The following TOX variants were observed in gnomAD, a reference collection of about 807,000 sequenced individuals.
The protein encoded by TOX is thymocyte selection-associated high mobility group box protein TOX.
In TOX, 11 loss-of-function variants were observed where a neutral mutation model predicts 53.7. The observed-to-expected ratio is 0.20, with a 90% CI of 0.13 to 0.34. TOX has a LOEUF of 0.34. TOX is among the 10% of genes least tolerant of loss of function. The probability of loss-of-function intolerance (pLI) is 1.00; values close to 1 mark genes in which losing one functional copy is unlikely to be tolerated. For synonymous variants in TOX, 225 were observed against 245.3 expected (o/e 0.92, Z 0.77); for missense variants, 570 against 664.6 (o/e 0.86, Z 1.56).
At chr8:59,115,859 A>C (rs188448447) in intron 1 of TOX, among the ~76,000 whole-genome samples, 1 of 152,306 alleles carries the variant, frequency 6.6e-6, no homozygotes, top group East Asian at 1.9e-4. Context: ...TGATATGTTC[A>C]TAACGTGTAT....
At chr8:58,965,906 T>TG (rs1454076433) in intron 1 of TOX, among the ~76,000 whole-genome samples, 1 of 131,100 alleles carries the variant, frequency 7.6e-6, no homozygotes, top group Non-Finnish European at 1.7e-5. Flanking sequence ...TTTTTTTTTT[T>TG]TTTTTTTTTT....
chr8:58,923,148 T>C (rs955518301), intron 3 of TOX, among the ~76,000 whole-genome samples: 1 of 152,102 alleles, frequency 6.6e-6, no homozygotes, highest in Non-Finnish European at 1.5e-5. Context: ...GTGGTCAATC[T>C]AATTAATATA....
At chr8:58,818,112 T>G (rs1453891099) in intron 6 of TOX, among the ~76,000 whole-genome samples, 7 of 152,194 alleles carry the variant, frequency 4.6e-5, no homozygotes, top group Non-Finnish European at 7.4e-5. Context: ...ATTACCAACC[T>G]TGTAAAGCTC....
chr8:59,084,042 T>G (rs1028715908), intron 1 of TOX, among the ~76,000 whole-genome samples: 1 of 152,200 alleles, frequency 6.6e-6, no homozygotes, highest in East Asian at 1.9e-4. Flanking sequence ...AATGCTCAGG[T>G]TATAAAGAAA....
chr8:59,044,905 CAT>C (rs1197713955), intron 1 of TOX, among the ~76,000 whole-genome samples: 12 of 152,346 alleles, frequency 7.9e-5, no homozygotes, highest in East Asian at 5.8e-4. Flanking sequence ...CGGCTACACA[CAT>C]GTTTTACTGC....
At position 58,939,438 on chromosome 8, in the gene TOX, C is replaced by A. The variant is rs762349194; in HGVS notation, c.275G>T (p.Gly92Val). The A allele has an allele frequency of 6.2e-7, 1 of 1,614,100 alleles. No homozygotes were observed. The highest frequency in any genetic ancestry group is 1.7e-5 in the Admixed American group (1 of 60,016). The change falls in exon 3 of 9, where the codon GGT (glycine) becomes GTT (valine). Residue 92 changes from glycine to valine, a missense_variant. Gly to Val is a moderately radical substitution (Grantham distance 109). Transcript: ENST00000361421. Reference sequence around the variant, plus strand: ...CATGGGGTGACACAGAGAATGGTAACCAGACTCAACTTCATTCAGGTGCAC... The same window carrying A: ...CATGGGGTGACACAGAGAATGGTAAACAGACTCAACTTCATTCAGGTGCAC... ...SLVHLNEVES[G>V]YHSLCHPMNH... is the part of the protein sequence containing the mutation.
chr8:59,029,238 C>T (rs747890013), intron 1 of TOX, among the ~76,000 whole-genome samples: 19 of 151,378 alleles, frequency 1.3e-4, no homozygotes, highest in Non-Finnish European at 2.7e-4. Context: ...CCCCCCATCC[C>T]CATGACTTCC....
At chr8:58,963,170 G>A (rs945781329) in intron 1 of TOX, among the ~76,000 whole-genome samples, 24 of 152,058 alleles carry the variant, frequency 1.6e-4, no homozygotes, top group Admixed American at 7.9e-4. Flanking sequence ...GCCAGCTTTC[G>A]GTCTGGAACT....
intron 1 of TOX, among the ~76,000 whole-genome samples, chr8:59,092,302 T>TTA (rs1491303174): frequency 3.1e-4 from 32 of 104,600 alleles, no homozygotes; most frequent in African/African-American, 2.6e-3. Context: ...ATTATATATA[T>TTA]TATATATTAT....
At chr8:59,019,831 T>C (rs972452559) in intron 1 of TOX, among the ~76,000 whole-genome samples, 2 of 152,220 alleles carry the variant, frequency 1.3e-5, no homozygotes, top group African/African-American at 4.8e-5. Flanking sequence ...GAGCAGTGTA[T>C]TTCATATATT....
chr8:58,826,532 T>C (rs774031911), intron 6 of TOX, among the ~76,000 whole-genome samples: 4 of 152,128 alleles, frequency 2.6e-5, no homozygotes, highest in Non-Finnish European at 2.9e-5. Context: ...GAAAGGGATA[T>C]GGAGAAGTAG....
intron 1 of TOX, among the ~76,000 whole-genome samples, chr8:59,111,970 A>G (rs1449182205): frequency 6.6e-6 from 1 of 152,224 alleles, no homozygotes; most frequent in Non-Finnish European, 1.5e-5. Flanking sequence ...GACCTTTGAT[A>G]TTATAAATAT....
chr8:59,077,861 T>C (rs1382954435), intron 1 of TOX, among the ~76,000 whole-genome samples: 1 of 152,194 alleles, frequency 6.6e-6, no homozygotes, highest in East Asian at 1.9e-4. Flanking sequence ...CAACTCTATA[T>C]ATGGAACAAT....
At chr8:59,025,307 A>G (rs1260956590) in intron 1 of TOX, among the ~76,000 whole-genome samples, 1 of 152,138 alleles carries the variant, frequency 6.6e-6, no homozygotes, top group African/African-American at 2.4e-5. Context: ...AAAGAAAGAA[A>G]TGGTAAGTTC....
chr8:58,885,751 T>C (rs1394060337), intron 3 of TOX, among the ~76,000 whole-genome samples: 1 of 152,166 alleles, frequency 6.6e-6, no homozygotes, highest in Non-Finnish European at 1.5e-5. Context: ...TTTGCTGTGT[T>C]GATTTTCAGA....
At chr8:58,997,346 C>T (rs552052544) in intron 1 of TOX, among the ~76,000 whole-genome samples, 1 of 152,290 alleles carries the variant, frequency 6.6e-6, no homozygotes, top group South Asian at 2.1e-4. Flanking sequence ...AAGACTTAGG[C>T]CAGTAGTTGA....
intron 1 of TOX, among the ~76,000 whole-genome samples, chr8:59,036,241 A>G (rs1814456112): frequency 6.6e-6 from 1 of 152,190 alleles, no homozygotes; most frequent in Non-Finnish European, 1.5e-5. Flanking sequence ...CGGGTGTGGG[A>G]CGTTCTTTAC....
At chr8:58,870,397 C>G (rs1026973276) in intron 3 of TOX, among the ~76,000 whole-genome samples, 1 of 152,006 alleles carries the variant, frequency 6.6e-6, no homozygotes, top group African/African-American at 2.4e-5. Flanking sequence ...CCAAGATAGG[C>G]TAAATATAAA....
At chr8:58,953,258 TG>T (rs1199107296) in intron 2 of TOX, among the ~76,000 whole-genome samples, 1 of 152,186 alleles carries the variant, frequency 6.6e-6, no homozygotes, top group Admixed American at 6.5e-5. Context: ...GATATATATT[TG>T]TATGGTGCCT....
Sources: allele counts gnomAD v4.1 joint callset (sites outside exome capture counted in the v4.1 genomes callset), GRCh38; gene constraint gnomAD v4.1.1; transcripts MANE v1.5; gene names NCBI Gene and HGNC (gene_info 2026-07-23, HGNC 2026-07-21).